The following NME7 variants were observed in gnomAD, a reference collection of about 807,000 sequenced individuals.
NME7 encodes nucleoside diphosphate kinase 7.
A neutral mutation model predicts 49.1 loss-of-function variants in NME7; 41 were observed. That is an observed-to-expected ratio of 0.83 (90% CI 0.65 to 1.08). The LOEUF is 1.08. Ranked by LOEUF, NME7 falls within the 50% of genes least tolerant of loss-of-function variation. NME7 has a pLI of 0.00. For synonymous variants in NME7, 139 were observed against 150.6 expected (o/e 0.92, Z 0.56); for missense variants, 423 against 463.4 (o/e 0.91, Z 0.80).
chr1:169,185,892 C>T (rs1660051971), intron 10 of NME7, among the ~76,000 whole-genome samples: 1 of 152,124 alleles, frequency 6.6e-6, no homozygotes, highest in Non-Finnish European at 1.5e-5. Flanking sequence ...TTGTGTCTTA[C>T]TCATCTTAGT....
intron 10 of NME7, among the ~76,000 whole-genome samples, chr1:169,205,603 C>T (rs985782926): frequency 2.6e-5 from 4 of 152,224 alleles, no homozygotes; most frequent in South Asian, 2.1e-4. Flanking sequence ...GATGAAGAAT[C>T]TCAGGCGGCC....
chr1:169,313,216 A>AC (rs1448290729), intron 3 of NME7, among the ~76,000 whole-genome samples: 1 of 151,864 alleles, frequency 6.6e-6, no homozygotes. Flanking sequence ...TGAAAAAAAA[A>AC]AAAAAACAAC....
At chr1:169,207,559 A>G (rs1660706657) in intron 10 of NME7, among the ~76,000 whole-genome samples, 1 of 152,188 alleles carries the variant, frequency 6.6e-6, no homozygotes, top group African/African-American at 2.4e-5. Flanking sequence ...GGAAAAAAAG[A>G]GACAACAAAG....
rs1308889415 is a variant in NME7 at position 169,341,769 on chromosome 1, A to T, written c.4-17269T>A. Among the ~76,000 whole-genome samples the T allele has an allele frequency of 6.6e-5, 10 of 152,062 alleles. No individual in the cohort carries two copies. The East Asian group carries it at 9.7e-4, about 15-fold the overall frequency. On this transcript the variant is annotated intron_variant, in intron 1 of 11. Coordinates refer to ENST00000367811, the MANE Select transcript of NME7 (RefSeq NM_013330.5). ...GACCATTCTGGAGCTTTAATGAATT[A>T]AAAAAAAATTTTTTTAACAAGTACC...
At chr1:169,319,028 A>ATTTAAT (rs140524650) in intron 3 of NME7, among the ~76,000 whole-genome samples, 17 of 149,624 alleles carry the variant, frequency 1.1e-4, no homozygotes, top group East Asian at 9.6e-4. Context: ...ATTAAATTTA[A>ATTTAAT]TTTAATTTTA....
intron 7 of NME7, among the ~76,000 whole-genome samples, chr1:169,278,902 A>G (rs1207208374): frequency 6.6e-6 from 1 of 152,184 alleles, no homozygotes; most frequent in African/African-American, 2.4e-5. Context: ...TCCTTCTAAC[A>G]GACAGGACCC....
At chr1:169,163,946 TA>T (rs1659323333) in intron 11 of NME7, among the ~76,000 whole-genome samples, 1 of 151,838 alleles carries the variant, frequency 6.6e-6, no homozygotes, top group Non-Finnish European at 1.5e-5. Context: ...CTGTCTCTAC[TA>T]AAAATACAAA....
chr1:169,333,642 T>C (rs1652346556), intron 1 of NME7, among the ~76,000 whole-genome samples: 1 of 151,996 alleles, frequency 6.6e-6, no homozygotes. Flanking sequence ...CATAAACATT[T>C]AATATTTTAA....
chr1:169,264,838 C>T (rs77775789), intron 7 of NME7, among the ~76,000 whole-genome samples: 1,823 of 132,768 alleles, frequency 0.014, 243 homozygotes, highest in African/African-American at 0.044. Flanking sequence ...AGTCCGTACT[C>T]ATGCTGCTAA....
intron 10 of NME7, among the ~76,000 whole-genome samples, chr1:169,214,325 C>T (rs1170208994): frequency 6.6e-6 from 1 of 152,150 alleles, no homozygotes; most frequent in Non-Finnish European, 1.5e-5. Flanking sequence ...GCTCTCTGAG[C>T]CTGCTGAAGA....
chr1:169,342,594 GTACATATATATAGTA>G (rs1652767437), intron 1 of NME7, among the ~76,000 whole-genome samples: 1 of 52,868 alleles, frequency 1.9e-5, no homozygotes, highest in Non-Finnish European at 4.1e-5. Context: ...ATATATACAA[GTACATATATATAGTA>G]TATATATATA....
At chr1:169,351,731 A>G (rs1434060590) in intron 1 of NME7, among the ~76,000 whole-genome samples, 1 of 152,040 alleles carries the variant, frequency 6.6e-6, no homozygotes, top group Non-Finnish European at 1.5e-5. Context: ...ATCAGAGATG[A>G]AAAAGGAAAC....
intron 10 of NME7, among the ~76,000 whole-genome samples, chr1:169,211,626 G>A (rs1036688066): frequency 6.6e-6 from 1 of 152,076 alleles, no homozygotes; most frequent in African/African-American, 2.4e-5. Context: ...TCACGAACAT[G>A]TAATAAAACA....
intron 7 of NME7, among the ~76,000 whole-genome samples, chr1:169,283,364 A>G (rs1309689291): frequency 1.3e-5 from 2 of 152,160 alleles, no homozygotes; most frequent in Non-Finnish European, 2.9e-5. Flanking sequence ...GGGTCTCCTG[A>G]ATACAGCACA....
chr1:169,350,361 GAT>G (rs1386342227), intron 1 of NME7, among the ~76,000 whole-genome samples: 1 of 152,020 alleles, frequency 6.6e-6, no homozygotes, highest in Non-Finnish European at 1.5e-5. Context: ...CAGACAGCAG[GAT>G]AGAGAGGTAT....
intron 7 of NME7, among the ~76,000 whole-genome samples, chr1:169,272,204 A>G (rs77631363): frequency 0.026 from 3,483 of 133,040 alleles, 500 homozygotes; most frequent in African/African-American, 0.084. Context: ...AAAATAATAT[A>G]TTAAAATTAT....
chr1:169,151,288 G>A (rs915620949), intron 11 of NME7, among the ~76,000 whole-genome samples: 3 of 152,142 alleles, frequency 2.0e-5, no homozygotes, highest in Admixed American at 1.3e-4. Context: ...CCTGAGTCCC[G>A]GGTGCTTCAG....
At chr1:169,228,683 C>CAAAA (rs747705690) in intron 10 of NME7, among the ~76,000 whole-genome samples, 2 of 90,416 alleles carry the variant, frequency 2.2e-5, no homozygotes, top group Non-Finnish European at 2.1e-5. Context: ...GACTCCGTCT[C>CAAAA]AAAAAAAAAA....
At chr1:169,175,081 T>G (rs933030852) in intron 10 of NME7, among the ~76,000 whole-genome samples, 1 of 152,162 alleles carries the variant, frequency 6.6e-6, no homozygotes, top group Non-Finnish European at 1.5e-5. Context: ...AAAAATCTTT[T>G]CTTTCTTTAC....
Sources: allele counts gnomAD v4.1 joint callset (sites outside exome capture counted in the v4.1 genomes callset), GRCh38; gene constraint gnomAD v4.1.1; transcripts MANE v1.5; gene names NCBI Gene and HGNC (gene_info 2026-07-23, HGNC 2026-07-21).